PDE3A: variants seen among roughly 807,000 people sequenced by gnomAD.
PDE3A encodes phosphodiesterase 3A, also known as cGMP-inhibited 3',5'-cyclic phosphodiesterase 3A.
Under a neutral mutation model 98.3 loss-of-function variants are expected in PDE3A, and 43 were observed. That is an observed-to-expected ratio of 0.44 (90% CI 0.34 to 0.56). The LOEUF is 0.56. Among genes scored for constraint, PDE3A ranks in the 20% least tolerant of loss-of-function variants. The pLI, the probability that PDE3A is intolerant of heterozygous loss-of-function variation, is 0.01. For missense variants in PDE3A, 1,427 were observed against 1,440.7 expected, an observed-to-expected ratio of 0.99 and a Z score of 0.15; for synonymous variants, 663 against 567.9, an observed-to-expected ratio of 1.17 and a Z score of -2.38.
chr12:20,437,133 T>C (rs1235947795), intron 1 of PDE3A, among the ~76,000 whole-genome samples: 1 of 152,062 alleles, frequency 6.6e-6, no homozygotes, highest in African/African-American at 2.4e-5. Context: ...ACTGTGCTAC[T>C]AAACAAAGTT....
intron 10 of PDE3A, among the ~76,000 whole-genome samples, chr12:20,646,191 C>CT (rs1447104430): frequency 6.6e-6 from 1 of 152,106 alleles, no homozygotes; most frequent in East Asian, 1.9e-4. Context: ...AAACATTACA[C>CT]TTTTTTCACA....
intron 1 of PDE3A, among the ~76,000 whole-genome samples, chr12:20,479,932 G>A (rs778202598): frequency 1.3e-5 from 2 of 152,200 alleles, no homozygotes; most frequent in Non-Finnish European, 2.9e-5. Context: ...ATCTAAGCCT[G>A]AAGTCCTCAA....
intron 1 of PDE3A, among the ~76,000 whole-genome samples, chr12:20,537,127 G>T (rs1011604549): frequency 6.6e-6 from 1 of 151,976 alleles, no homozygotes; most frequent in African/African-American, 2.4e-5. Context: ...TCTCACTGTG[G>T]TCTTGATTTG....
intron 1 of PDE3A, among the ~76,000 whole-genome samples, chr12:20,505,615 C>G (rs1946103225): frequency 6.6e-6 from 1 of 152,058 alleles, no homozygotes; most frequent in Non-Finnish European, 1.5e-5. Flanking sequence ...GTTAAGCTTT[C>G]TGGTAAATTA....
chr12:20,405,425 A>C (rs1354166820), intron 1 of PDE3A, among the ~76,000 whole-genome samples: 1 of 151,840 alleles, frequency 6.6e-6, no homozygotes, highest in African/African-American at 2.4e-5. Context: ...CCCCATTTCC[A>C]GGCCCCTCTC....
intron 2 of PDE3A, among the ~76,000 whole-genome samples, chr12:20,573,192 A>G (rs1592069901): frequency 6.6e-6 from 1 of 152,298 alleles, no homozygotes; most frequent in Non-Finnish European, 1.5e-5. Flanking sequence ...GGAAAAAGAA[A>G]GCAACATTAA....
At chr12:20,541,171 A>G (rs530052547) in intron 1 of PDE3A, among the ~76,000 whole-genome samples, 5 of 131,472 alleles carry the variant, frequency 3.8e-5, no homozygotes, top group African/African-American at 1.1e-4. Context: ...ATCGTAGCTC[A>G]CTATAGCCTC....
At chr12:20,653,625 C>T (rs572421333) in intron 14 of PDE3A, among the ~76,000 whole-genome samples, 1 of 152,238 alleles carries the variant, frequency 6.6e-6, no homozygotes, top group African/African-American at 2.4e-5. Context: ...GGATTACAGG[C>T]GTGAGCCACC....
intron 2 of PDE3A, among the ~76,000 whole-genome samples, chr12:20,571,304 C>T (rs1035392514): frequency 8.5e-5 from 13 of 152,124 alleles, no homozygotes; most frequent in African/African-American, 3.1e-4. Context: ...TGTTGAAAGA[C>T]AGGGAAACAG....
intron 2 of PDE3A, among the ~76,000 whole-genome samples, chr12:20,584,615 T>TAA (rs1943148733): frequency 6.6e-6 from 1 of 152,208 alleles, no homozygotes; most frequent in Non-Finnish European, 1.5e-5. Flanking sequence ...GACTGCTGAA[T>TAA]AACTTCTATT....
intron 1 of PDE3A, among the ~76,000 whole-genome samples, chr12:20,481,678 C>T (rs546272273): frequency 6.6e-6 from 1 of 151,550 alleles, no homozygotes; most frequent in East Asian, 1.9e-4. Flanking sequence ...TTGCTTAGAG[C>T]ATCTCTTCAC....
chr12:20,589,993 G>A (rs1317339828), intron 2 of PDE3A, among the ~76,000 whole-genome samples: 3 of 151,868 alleles, frequency 2.0e-5, no homozygotes, highest in Non-Finnish European at 4.4e-5. Context: ...AACAGATCTA[G>A]TGAAAAATCT....
At chr12:20,605,368 T>C (rs1201876968) in intron 2 of PDE3A, among the ~76,000 whole-genome samples, 1 of 152,188 alleles carries the variant, frequency 6.6e-6, no homozygotes, top group Non-Finnish European at 1.5e-5. Context: ...ATTTATAAGG[T>C]AGAGCTTGTG....
chr12:20,483,970 C>T (rs1945677316), intron 1 of PDE3A, among the ~76,000 whole-genome samples: 1 of 152,166 alleles, frequency 6.6e-6, no homozygotes, highest in Non-Finnish European at 1.5e-5. Flanking sequence ...CTGGAACCTC[C>T]TAGCCTGCTG....
At chr12:20,615,450 A>G (rs1355324896) in intron 3 of PDE3A, among the ~76,000 whole-genome samples, 1 of 152,162 alleles carries the variant, frequency 6.6e-6, no homozygotes, top group African/African-American at 2.4e-5. Context: ...CATTTTATGA[A>G]AGACTTGAGC....
chr12:20,525,990 C>T (rs141292571), intron 1 of PDE3A, among the ~76,000 whole-genome samples: 154 of 152,188 alleles, frequency 1.0e-3, no homozygotes, highest in Non-Finnish European at 1.8e-3. Flanking sequence ...AAGAAAACAA[C>T]CTTATACTTG....
At chr12:20,639,682 C>T (rs767675578) in intron 9 of PDE3A, among the ~76,000 whole-genome samples, 164 bp from the exon 10 acceptor site, 5 of 152,062 alleles carry the variant, frequency 3.3e-5, no homozygotes, top group African/African-American at 9.7e-5. Flanking sequence ...ATACAGCCTG[C>T]CTTTTGATGA....
At chr12:20,600,189 T>G (rs892342386) in intron 2 of PDE3A, among the ~76,000 whole-genome samples, 5 of 152,200 alleles carry the variant, frequency 3.3e-5, no homozygotes, top group Non-Finnish European at 7.3e-5. Context: ...ATATATGTCT[T>G]CAATGCCCAA....
intron 1 of PDE3A, among the ~76,000 whole-genome samples, chr12:20,411,151 A>G (rs1944325739): frequency 6.6e-6 from 1 of 152,194 alleles, no homozygotes; most frequent in Admixed American, 6.5e-5. Context: ...TACACATAAC[A>G]AAGTTTACCA....
Sources: gnomAD v4.1 joint callset for allele counts (sites outside exome capture counted in the v4.1 genomes callset) on GRCh38, gnomAD v4.1.1 for gene constraint, MANE v1.5 for transcripts, NCBI Gene and HGNC (gene_info 2026-07-23, HGNC 2026-07-21) for gene names.